The following SAMD4A variants were observed in gnomAD, a reference collection of about 807,000 sequenced individuals.
SAMD4A encodes protein Smaug homolog 1.
Under a neutral mutation model 81.3 loss-of-function variants are expected in SAMD4A, and 33 were observed. That is an observed-to-expected ratio of 0.41 (90% CI 0.31 to 0.54). SAMD4A has a LOEUF of 0.54. Ranked by LOEUF, SAMD4A falls within the 20% of genes least tolerant of loss-of-function variation. The probability of loss-of-function intolerance (pLI) is 0.37; values close to 1 mark genes in which losing one functional copy is unlikely to be tolerated. For missense variants in SAMD4A, 854 were observed against 951.1 expected (o/e 0.90, Z 1.34); for synonymous variants, 389 against 382.1 (o/e 1.02, Z -0.21).
chr14:54,626,053 TGTGTGTGCGCGCGC>T lies in SAMD4A; in HGVS notation c.196+57943_196+57956del, dbSNP rs1300099256. 1.9e-3 allele frequency among the ~76,000 whole-genome samples: 225 copies of T among 120,168 alleles called. 4 individuals carry two copies. In the East Asian group the frequency reaches 0.043, roughly 23 times the overall value. 78.8% of individuals were successfully genotyped at this position (120,168 alleles called of 152,430 possible). A position where few individuals can be genotyped will look rare whatever the true frequency, so the allele number is the denominator to read the frequency against. Reference sequence around the variant, plus strand: ...GTGTGTGTGTGTGTGTGTGTGTGTGTGTGTGTGCGCGCGCGCGCGCGCGAGTGCGCACATGTGCA... The same window carrying T: ...GTGTGTGTGTGTGTGTGTGTGTGTGTGCGCGCGCGAGTGCGCACATGTGCA... On this transcript the variant is annotated intron_variant, in intron 2 of 12. Transcript: ENST00000554335.
intron 2 of SAMD4A, among the ~76,000 whole-genome samples, chr14:54,601,517 C>T (rs995893710): frequency 2.0e-5 from 3 of 152,122 alleles, no homozygotes; most frequent in African/African-American, 7.2e-5. Flanking sequence ...GGATGAAAAA[C>T]AAGAATGAGT....
rs1205734209 is a variant in SAMD4A, at chr14:54,790,838, T to C, written c.*1894T>C. The C allele has an allele frequency of 6.6e-6, 1 of 152,020 alleles. No homozygotes were observed. Among genetic ancestry groups the C allele is most frequent in the Admixed American group, 6.6e-5 (1 of 15,266 alleles). The allele number at this position is 152,020 out of a possible 1,614,324, so 9.4% of individuals were successfully genotyped here. Reference sequence around the variant, plus strand: ...GAACAATTTTCTTTTACTTTCAAGATCAAAAACATGCACCCAACCCAGCCT... The same window carrying C: ...GAACAATTTTCTTTTACTTTCAAGACCAAAAACATGCACCCAACCCAGCCT... On this transcript the variant is annotated 3_prime_UTR_variant, in exon 13 of 13. Transcript: ENST00000554335.
chr14:54,666,204 A>T (rs1470550031), intron 2 of SAMD4A, among the ~76,000 whole-genome samples: 1 of 152,190 alleles, frequency 6.6e-6, no homozygotes, highest in Non-Finnish European at 1.5e-5. Context: ...AGAGGGCCCC[A>T]AGATCAGTGG....
At chr14:54,741,554 G>T (rs929447904) in intron 4 of SAMD4A, among the ~76,000 whole-genome samples, 1 of 152,164 alleles carries the variant, frequency 6.6e-6, no homozygotes, top group Non-Finnish European at 1.5e-5. Context: ...TGGGCAGACA[G>T]GGCTGAGAGC....
chr14:54,785,547 A>C (rs1164635839), intron 12 of SAMD4A, among the ~76,000 whole-genome samples: 1 of 152,104 alleles, frequency 6.6e-6, no homozygotes, highest in Non-Finnish European at 1.5e-5. Context: ...TCTTAGCCAA[A>C]AGGCCGAGAA....
intron 11 of SAMD4A, among the ~76,000 whole-genome samples, chr14:54,782,698 G>T (rs921163281): frequency 6.6e-6 from 1 of 152,218 alleles, no homozygotes; most frequent in Non-Finnish European, 1.5e-5. Flanking sequence ...CTTTTTGCCA[G>T]GCTTCTGAGA....
chr14:54,754,726 T>C (rs2038194735), intron 6 of SAMD4A: 3 of 538,212 alleles, frequency 5.6e-6, no homozygotes, highest in Non-Finnish European at 7.2e-6. Context: ...CTGCCTCCCA[T>C]ATTCTTACCT....
intron 4 of SAMD4A, 38 bp from the exon 5 acceptor site, chr14:54,748,777 C>A: frequency 7.3e-7 from 1 of 1,361,480 alleles, no homozygotes; most frequent in African/African-American, 1.4e-5. Context: ...CATTCCCTCT[C>A]ATTTCTCTCC....
intron 2 of SAMD4A, among the ~76,000 whole-genome samples, chr14:54,629,075 C>A (rs1445686653): frequency 1.7e-5 from 2 of 114,712 alleles, no homozygotes; most frequent in Non-Finnish European, 3.7e-5. Flanking sequence ...TGATGGTGGG[C>A]CCTAATCCAA....
intron 2 of SAMD4A, among the ~76,000 whole-genome samples, chr14:54,632,505 A>T (rs188802170): frequency 3.3e-5 from 5 of 152,340 alleles, no homozygotes; most frequent in African/African-American, 1.2e-4. Flanking sequence ...GTATGCAAAC[A>T]TACACATTTG....
chr14:54,757,195 G>A (rs2038261855), intron 6 of SAMD4A, among the ~76,000 whole-genome samples: 1 of 152,186 alleles, frequency 6.6e-6, no homozygotes, highest in Non-Finnish European at 1.5e-5. Context: ...AACATGACCT[G>A]ATGATCACAG....
intron 2 of SAMD4A, among the ~76,000 whole-genome samples, chr14:54,573,605 A>G (rs1038426304): frequency 6.6e-6 from 1 of 152,230 alleles, no homozygotes; most frequent in African/African-American, 2.4e-5. Context: ...TTTAAAATAT[A>G]CAATCACTAC....
chr14:54,585,432 T>TA (rs2033588172), intron 2 of SAMD4A, among the ~76,000 whole-genome samples: 1 of 152,210 alleles, frequency 6.6e-6, no homozygotes, highest in Non-Finnish European at 1.5e-5. Context: ...TCATTCTTTT[T>TA]AAAAATTTTT....
rs1425149461 is a variant in SAMD4A at position 54,760,146 on chromosome 14, G to A, written c.1177-15G>A. 6.2e-7 allele frequency: 1 copy of A among 1,606,378 alleles called. No homozygotes were observed. The highest frequency in any genetic ancestry group is 1.1e-5 in the South Asian group (1 of 89,762). ...TCCTGAGCCTAACAGAGGTCTTCCT[G>A]CTCTCACCGTCCAGGACATCATCGA... On this transcript the variant is annotated splice_polypyrimidine_tract_variant and intron_variant, in intron 6 of 12. Transcript: ENST00000554335.
chr14:54,678,804 T>C (rs1180831004), intron 2 of SAMD4A, among the ~76,000 whole-genome samples: 1 of 152,166 alleles, frequency 6.6e-6, no homozygotes, highest in East Asian at 1.9e-4. Context: ...CGCCTCGGCC[T>C]CCCAAAGTGC....
chr14:54,600,220 A>C (rs1048005734), intron 2 of SAMD4A, among the ~76,000 whole-genome samples: 1 of 152,108 alleles, frequency 6.6e-6, no homozygotes, highest in African/African-American at 2.4e-5. Context: ...GCAAACGAAA[A>C]CCAGGCACCT....
intron 2 of SAMD4A, among the ~76,000 whole-genome samples, chr14:54,572,929 A>G (rs975316440): frequency 1.3e-5 from 2 of 152,246 alleles, no homozygotes; most frequent in African/African-American, 2.4e-5. Context: ...CTAAAAAGAT[A>G]TAAGTCTACT....
At chr14:54,747,473 A>G (rs2037996045) in intron 4 of SAMD4A, among the ~76,000 whole-genome samples, 2 of 152,220 alleles carry the variant, frequency 1.3e-5, no homozygotes, top group South Asian at 2.1e-4. Context: ...CTCAACATTT[A>G]TCTACTCTAA....
chr14:54,707,972 A>G (rs1009526661), intron 3 of SAMD4A, among the ~76,000 whole-genome samples: 16 of 152,242 alleles, frequency 1.1e-4, no homozygotes, highest in African/African-American at 3.9e-4. Flanking sequence ...TTTGCTGTCA[A>G]TAAACCAGAA....
Sources: allele counts gnomAD v4.1 joint callset (sites outside exome capture counted in the v4.1 genomes callset), GRCh38; gene constraint gnomAD v4.1.1; transcripts MANE v1.5; gene names NCBI Gene and HGNC (gene_info 2026-07-23, HGNC 2026-07-21).